Variants in ZNF322 observed in about 807,000 individuals in gnomAD.
ZNF322 encodes the protein zinc finger protein 322, also known as HLA complex group 12.
In ZNF322, 1 loss-of-function variant was observed where a neutral mutation model predicts 18.3. The observed-to-expected ratio is 0.05, with a 90% CI of 0.02 to 0.26. The LOEUF (loss-of-function observed/expected upper bound fraction) is 0.26, where lower values mean the gene tolerates loss of function less well. Ranked by LOEUF, ZNF322 falls within the 10% of genes least tolerant of loss-of-function variation. The pLI, the probability that ZNF322 is intolerant of heterozygous loss-of-function variation, is 1.00. For synonymous variants in ZNF322, 17 were observed against 130.7 expected, an observed-to-expected ratio of 0.13 and a Z score of 5.93; for missense variants, 36 against 403.6, an observed-to-expected ratio of 0.09 and a Z score of 7.80.
chr6:26,642,032 T>A (rs1365351986), intron 3 of ZNF322, among the ~76,000 whole-genome samples: 1 of 152,202 alleles, frequency 6.6e-6, no homozygotes, highest in Non-Finnish European at 1.5e-5. Flanking sequence ...AACCCGATTG[T>A]ACATTCTATT....
intron 2 of ZNF322, among the ~76,000 whole-genome samples, chr6:26,647,621 G>A (rs1273777513): frequency 6.6e-6 from 1 of 152,020 alleles, no homozygotes; most frequent in African/African-American, 2.4e-5. Context: ...AAGATATAAA[G>A]TCTTAAAACA....
chr6:26,653,445 C>T (rs782557000), intron 2 of ZNF322, among the ~76,000 whole-genome samples: 13 of 152,020 alleles, frequency 8.6e-5, no homozygotes, highest in African/African-American at 1.2e-4. Context: ...ATGTTTGTAA[C>T]GGGAAAATAT....
chr6:26,648,061 G>A (rs144931341), intron 2 of ZNF322, among the ~76,000 whole-genome samples: 1 of 151,902 alleles, frequency 6.6e-6, no homozygotes, highest in East Asian at 1.9e-4. Context: ...TTATGAATGT[G>A]AGAAATACTA....
intron 2 of ZNF322, among the ~76,000 whole-genome samples, chr6:26,656,853 G>GA (rs1173392039): frequency 4.3e-4 from 63 of 146,774 alleles, no homozygotes; most frequent in South Asian, 4.3e-4. Context: ...TTAAGAAGAA[G>GA]AAAAAAAAAA....
intron 2 of ZNF322, among the ~76,000 whole-genome samples, chr6:26,657,583 T>C (rs1450312905): frequency 1.3e-5 from 2 of 152,198 alleles, no homozygotes; most frequent in Non-Finnish European, 2.9e-5. Context: ...CTTTATGGTA[T>C]ACATTTTATA....
chr6:26,649,651 G>A (rs1765618672), intron 2 of ZNF322, among the ~76,000 whole-genome samples: 4 of 41,106 alleles, frequency 9.7e-5, no homozygotes, highest in Non-Finnish European at 1.9e-4. Flanking sequence ...GTGTGTGTGT[G>A]TGTGTGTGTG....
chr6:26,650,084 A>C (rs1765641764), intron 2 of ZNF322, among the ~76,000 whole-genome samples: 1 of 152,148 alleles, frequency 6.6e-6, no homozygotes, highest in African/African-American at 2.4e-5. Flanking sequence ...ACAATATTTG[A>C]GATACAGGGA....
chr6:26,654,122 T>C (rs572577554), intron 2 of ZNF322, among the ~76,000 whole-genome samples: 3 of 152,150 alleles, frequency 2.0e-5, no homozygotes, highest in Non-Finnish European at 4.4e-5. Flanking sequence ...ATGGATAATG[T>C]CACCTAGATT....
In ZNF322 at chr6:26,655,815, CT is replaced by C. The variant is rs1226721110; in HGVS notation, c.-246+2742del. 1.5e-4 allele frequency among the ~76,000 whole-genome samples: 23 copies of C among 152,320 alleles called. 1 individual carries two copies. In the Middle Eastern group the frequency reaches 0.01, roughly 68 times the overall value. On this transcript the variant is annotated intron_variant, in intron 2 of 3. Transcript: ENST00000415922. ...GAGCACTCTTGCTTGCTCTCACCCT[CT>C]CTTTGCCCTTTTGCCATGAAATGAC...
chr6:26,647,877 C>CT (rs34835436), intron 2 of ZNF322, among the ~76,000 whole-genome samples: 110 of 142,744 alleles, frequency 7.7e-4, no homozygotes, highest in Middle Eastern at 3.6e-3. Flanking sequence ...TCCAATATCG[C>CT]TTTTTTTTTT....
rs558167157 is a variant in ZNF322, at chr6:26,638,840, T to C, written c.-175-112A>G. The C allele has an allele frequency of 4.0e-5, 13 of 325,848 alleles. No homozygotes were observed. The South Asian group carries it at 5.5e-4, about 14-fold the overall frequency. The allele number at this position is 325,848 out of a possible 1,614,324, so 20.2% of individuals were successfully genotyped here. ...TCTGTATCAGAGTCCCTAAGTCTTC[T>C]AGGTTTTATATGGCTTGAAATCAGT... is the stretch of plus-strand genomic sequence containing the variant. On this transcript the variant is annotated intron_variant, in intron 3 of 3. Transcript: ENST00000415922.
chr6:26,650,026 A>G (rs1470477107), intron 2 of ZNF322, among the ~76,000 whole-genome samples: 2 of 152,108 alleles, frequency 1.3e-5, no homozygotes, highest in East Asian at 3.8e-4. Context: ...TATATAAAAA[A>G]TGAACAAAGT....
At chr6:26,656,894 C>G (rs1254146255) in intron 2 of ZNF322, among the ~76,000 whole-genome samples, 1 of 152,038 alleles carries the variant, frequency 6.6e-6, no homozygotes, top group Non-Finnish European at 1.5e-5. Flanking sequence ...TTTTCCTATT[C>G]ATATCCAAGC....
intron 2 of ZNF322, among the ~76,000 whole-genome samples, chr6:26,651,732 T>A (rs1230014328): frequency 1.3e-5 from 2 of 152,224 alleles, no homozygotes; most frequent in Admixed American, 6.5e-5. Flanking sequence ...TTAAAAAAAA[T>A]TTACAAACCC....
At chr6:26,640,723 C>G (rs2504592) in intron 3 of ZNF322, among the ~76,000 whole-genome samples, 69,245 of 152,010 alleles carry the variant, frequency 0.46, 16,145 homozygotes, top group East Asian at 0.67. Context: ...AGAAAAGTGC[C>G]TGGCACAGAG....
intron 2 of ZNF322, chr6:26,650,284 G>A (rs1554149083): frequency 1.3e-5 from 2 of 152,138 alleles, no homozygotes; most frequent in African/African-American, 4.8e-5. Context: ...GGAACAAAGA[G>A]AAACTTCTTC....
chr6:26,642,731 A>T (rs1046099160), intron 3 of ZNF322, among the ~76,000 whole-genome samples: 1 of 152,206 alleles, frequency 6.6e-6, no homozygotes, highest in Non-Finnish European at 1.5e-5. Context: ...AATGGCAAGT[A>T]TCTGTTTTTG....
rs1554147702 is a variant in ZNF322, at chr6:26,636,532, C to T, written c.*813G>A. ...CAACTAACTATGAGAACAGTCTTCT[C>T]ATACATATTATATGTACATAGATTC... On this transcript the variant is annotated 3_prime_UTR_variant, in exon 4 of 4. Transcript: ENST00000415922. The T allele has an allele frequency of 6.6e-6, 1 of 152,142 alleles. No individual in the cohort carries two copies. The highest frequency in any genetic ancestry group is 2.4e-5 in the African/African-American group (1 of 41,410). 9.4% of individuals were successfully genotyped at this position (152,142 alleles called of 1,614,324 possible).
intron 2 of ZNF322, among the ~76,000 whole-genome samples, chr6:26,656,150 A>G (rs1554149673): frequency 1.3e-5 from 2 of 152,226 alleles, no homozygotes; most frequent in Non-Finnish European, 2.9e-5. Context: ...TTCAAAAAAC[A>G]TGGTGGCTAA....
Sources: gnomAD v4.1 joint callset for allele counts (sites outside exome capture counted in the v4.1 genomes callset) on GRCh38, gnomAD v4.1.1 for gene constraint, MANE v1.5 for transcripts, NCBI Gene and HGNC (gene_info 2026-07-23, HGNC 2026-07-21) for gene names.